Variants in TANC2 observed in about 807,000 individuals in gnomAD.
TANC2 encodes protein TANC2.
In TANC2, 26 loss-of-function variants were observed where a neutral mutation model predicts 210.5. That is an observed-to-expected ratio of 0.12 (90% CI 0.09 to 0.17). The LOEUF is 0.17. Among genes scored for constraint, TANC2 ranks in the 10% least tolerant of loss-of-function variants. The pLI is 1.00. For synonymous variants in TANC2, 931 were observed against 967.1 expected (o/e 0.96, Z 0.69); for missense variants, 2,129 against 2,608.9 (o/e 0.82, Z 4.01).
chr17:63,370,263 C>T (rs2047227066), intron 14 of TANC2, among the ~76,000 whole-genome samples: 1 of 150,676 alleles, frequency 6.6e-6, no homozygotes, highest in East Asian at 2.0e-4. Context: ...ACTGCAACTT[C>T]CGCCTCCCGG....
At chr17:63,111,092 T>C (rs1156857104) in intron 4 of TANC2, among the ~76,000 whole-genome samples, 2 of 152,084 alleles carry the variant, frequency 1.3e-5, no homozygotes, top group African/African-American at 4.8e-5. Context: ...GTGGAGGATT[T>C]CCTGAGCTCA....
intron 21 of TANC2, among the ~76,000 whole-genome samples, chr17:63,408,792 C>T (rs928258129): frequency 6.6e-6 from 1 of 152,190 alleles, no homozygotes; most frequent in Non-Finnish European, 1.5e-5. Flanking sequence ...AGCTGACATC[C>T]GAATCCTGTC....
intron 3 of TANC2, among the ~76,000 whole-genome samples, chr17:63,076,841 ACT>A (rs1178660610): frequency 6.6e-6 from 1 of 152,158 alleles, no homozygotes; most frequent in Non-Finnish European, 1.5e-5. Flanking sequence ...GCTGAAAGAA[ACT>A]CTGAAAAAAT....
chr17:63,066,559 C>T (rs1452434567), intron 2 of TANC2, among the ~76,000 whole-genome samples: 1 of 152,132 alleles, frequency 6.6e-6, no homozygotes, highest in African/African-American at 2.4e-5. Flanking sequence ...GAACTCAACA[C>T]TCAGAATATG....
At chr17:63,221,455 A>G (rs2042188728) in intron 7 of TANC2, among the ~76,000 whole-genome samples, 1 of 151,556 alleles carries the variant, frequency 6.6e-6, no homozygotes, top group African/African-American at 2.4e-5. Flanking sequence ...AAAAAAAAAA[A>G]AAAAAGAAAG....
intron 2 of TANC2, among the ~76,000 whole-genome samples, chr17:63,063,517 A>T (rs1046549615): frequency 4.1e-5 from 6 of 147,042 alleles, no homozygotes; most frequent in African/African-American, 1.5e-4. Context: ...CTGTGTCAGA[A>T]ACTGGGACAA....
exon 20 of TANC2, chr17:63,405,194 C>G: frequency 6.2e-7 from 1 of 1,611,148 alleles, no homozygotes; most frequent in Non-Finnish European, 8.5e-7. Flanking sequence ...GCGGCAGTGG[C>G]CCAGCCAAAC....
At chr17:63,220,281 C>G (rs1273423609) in intron 7 of TANC2, among the ~76,000 whole-genome samples, 1 of 150,680 alleles carries the variant, frequency 6.6e-6, no homozygotes. Context: ...GGTGACAGAG[C>G]AAGACTCCGT....
intron 2 of TANC2, among the ~76,000 whole-genome samples, chr17:63,071,465 T>C (rs549066944): frequency 6.6e-6 from 1 of 152,120 alleles, no homozygotes; most frequent in East Asian, 1.9e-4. Context: ...CCCTAGAATT[T>C]CTTAAATAGT....
intron 6 of TANC2, among the ~76,000 whole-genome samples, chr17:63,195,561 G>A (rs2145760464): frequency 6.6e-6 from 1 of 152,250 alleles, no homozygotes; most frequent in Middle Eastern, 3.4e-3. Context: ...AGAATGTAAG[G>A]CTGGAAGGCT....
chr17:63,313,372 G>C (rs776235351), intron 9 of TANC2: 1 of 152,172 alleles, frequency 6.6e-6, no homozygotes, highest in Non-Finnish European at 1.5e-5. Flanking sequence ...TCAGGAAGCC[G>C]TTTAACCCAG....
chr17:63,364,050 G>T (rs1023385694), intron 14 of TANC2, among the ~76,000 whole-genome samples: 2 of 152,120 alleles, frequency 1.3e-5, no homozygotes, highest in African/African-American at 4.8e-5. Flanking sequence ...ATTTGCCAAT[G>T]AATATTTTTT....
intron 8 of TANC2, among the ~76,000 whole-genome samples, chr17:63,238,501 T>C (rs1296413244): frequency 6.6e-6 from 1 of 152,202 alleles, no homozygotes; most frequent in South Asian, 2.1e-4. Flanking sequence ...TCATCATCCA[T>C]AGTTTGTAAA....
At chr17:63,111,928 G>A (rs1355380541) in intron 4 of TANC2, among the ~76,000 whole-genome samples, 2 of 152,082 alleles carry the variant, frequency 1.3e-5, no homozygotes, top group Non-Finnish European at 2.9e-5. Flanking sequence ...GTTTCACCAT[G>A]TTGGCCAGGA....
At chr17:63,358,382 T>A (rs1189331946) in intron 14 of TANC2, among the ~76,000 whole-genome samples, 13 of 145,992 alleles carry the variant, frequency 8.9e-5, no homozygotes, top group African/African-American at 2.9e-4. Flanking sequence ...AGAGAGTATG[T>A]GTGTGTGTGT....
intron 3 of TANC2, among the ~76,000 whole-genome samples, chr17:63,091,138 A>C (rs2037176584): frequency 6.6e-6 from 1 of 151,810 alleles, no homozygotes; most frequent in South Asian, 2.1e-4. Context: ...AGATTGCAAA[A>C]ATTTTCTCCC....
intron 26 of TANC2, among the ~76,000 whole-genome samples, chr17:63,416,282 C>G (rs1210998006): frequency 6.6e-6 from 1 of 152,146 alleles, no homozygotes; most frequent in East Asian, 1.9e-4. Flanking sequence ...TCACATGTCC[C>G]CAGACACTGC....
intron 5 of TANC2, among the ~76,000 whole-genome samples, chr17:63,160,016 C>T (rs2039971460): frequency 6.6e-6 from 1 of 152,190 alleles, no homozygotes. Flanking sequence ...CTCACTGTGT[C>T]CTCACATGCT....
intron 2 of TANC2, among the ~76,000 whole-genome samples, chr17:63,052,388 T>G (rs981639707): frequency 6.6e-6 from 1 of 152,190 alleles, no homozygotes; most frequent in African/African-American, 2.4e-5. Context: ...GGCTATAATT[T>G]CATTATACAG....
Sources: allele counts gnomAD v4.1 joint callset (sites outside exome capture counted in the v4.1 genomes callset), GRCh38; gene constraint gnomAD v4.1.1; transcripts MANE v1.5; gene names NCBI Gene and HGNC (gene_info 2026-07-23, HGNC 2026-07-21).